The following R3HDM2 variants were observed in gnomAD, a reference collection of about 807,000 sequenced individuals.
The protein encoded by R3HDM2 is R3H domain-containing protein 2.
Under a neutral mutation model 124.5 loss-of-function variants are expected in R3HDM2, and 38 were observed. The observed-to-expected ratio is 0.31, with a 90% CI of 0.24 to 0.40. The LOEUF (loss-of-function observed/expected upper bound fraction) is 0.40. Among genes scored for constraint, R3HDM2 ranks in the 10% least tolerant of loss-of-function variants. The pLI, the probability that R3HDM2 is intolerant of heterozygous loss-of-function variation, is 1.00. For synonymous variants in R3HDM2, 391 were observed against 448.0 expected (o/e 0.87, Z 1.61); for missense variants, 869 against 1,236.9 (o/e 0.70, Z 4.46).
intron 2 of R3HDM2, among the ~76,000 whole-genome samples, chr12:57,371,083 C>CTTTTTTTTTTTTTTTTTT (rs775839017): frequency 7.3e-5 from 3 of 40,898 alleles, no homozygotes; most frequent in South Asian, 1.7e-3. Flanking sequence ...TATACCATTA[C>CTTTTTTTTTTTTTTTTTT]TTTTTTTTTT....
chr12:57,365,914 C>T lies in R3HDM2; in HGVS notation c.-36+29835G>A, dbSNP rs1486047612. ...CTGCAACACTGCACTCCAGACTGGG[C>T]GACAGAGCAAGACTCCATCTCAAAA... On this transcript the variant is annotated intron_variant, in intron 2 of 23. Transcript: ENST00000402412. 4.2e-5 allele frequency among the ~76,000 whole-genome samples: 6 copies of T among 144,254 alleles called. 1 individual carries two copies. The highest frequency in any genetic ancestry group is 4.6e-4 in the South Asian group (2 of 4,360). 94.6% of individuals were successfully genotyped at this position (144,254 alleles called of 152,430 possible).
At chr12:57,391,008 G>A (rs1486851311) in intron 2 of R3HDM2, among the ~76,000 whole-genome samples, 10 of 145,898 alleles carry the variant, frequency 6.9e-5, no homozygotes, top group Admixed American at 1.4e-4. Context: ...ACAAAACTCC[G>A]TCTCAAATAA....
intron 14 of R3HDM2, among the ~76,000 whole-genome samples, 157 bp from the exon 15 acceptor site, chr12:57,270,151 G>A (rs1015481232): frequency 4.6e-5 from 7 of 152,194 alleles, no homozygotes; most frequent in Admixed American, 3.3e-4. Flanking sequence ...TTGAATAGCT[G>A]TTGAAGTCCA....
At chr12:57,412,499 A>G (rs1199338534) in intron 1 of R3HDM2, among the ~76,000 whole-genome samples, 4 of 152,098 alleles carry the variant, frequency 2.6e-5, no homozygotes, top group African/African-American at 9.7e-5. Flanking sequence ...CCAAGATCAC[A>G]CTACTGCACT....
At chr12:57,332,258 T>A (rs2058291550) in intron 2 of R3HDM2, among the ~76,000 whole-genome samples, 2 of 149,132 alleles carry the variant, frequency 1.3e-5, no homozygotes, top group South Asian at 2.1e-4. Context: ...AAAATAAAAA[T>A]AAAAAAATAA....
chr12:57,310,031 G>C (rs1271396401), intron 3 of R3HDM2, among the ~76,000 whole-genome samples: 6 of 152,258 alleles, frequency 3.9e-5, no homozygotes, highest in Middle Eastern at 3.4e-3. Flanking sequence ...GGGCAACATA[G>C]ACCCTGTCTC....
chr12:57,397,620 C>T (rs1438935191), intron 1 of R3HDM2, among the ~76,000 whole-genome samples: 1 of 152,228 alleles, frequency 6.6e-6, no homozygotes, highest in African/African-American at 2.4e-5. Context: ...CCCCTTTTCA[C>T]CACTAGTGCT....
rs574669406 is a variant in R3HDM2, at chr12:57,398,821, C to T, written c.-105-3003G>A. On this transcript the variant is annotated intron_variant, in intron 1 of 23. Transcript: ENST00000402412. ...CCTTTCTCAGAAGGTAAAATTTACACTTGGAAAATAAGATGGCAGTCATAT... is the reference window on the plus strand; with the variant it reads ...CCTTTCTCAGAAGGTAAAATTTACATTTGGAAAATAAGATGGCAGTCATAT... Among the ~76,000 whole-genome samples, 226 of 152,258 alleles carry T rather than the reference C, an allele frequency of 1.5e-3. 6 individuals are homozygous for T. In the South Asian group the frequency reaches 0.046, roughly 31 times the overall value.
intron 1 of R3HDM2, chr12:57,418,358 TG>T: frequency 2.0e-6 from 2 of 985,388 alleles, no homozygotes; most frequent in Non-Finnish European, 2.4e-6. Flanking sequence ...AGCTTTCTTT[TG>T]CCTTCAGCAG....
At chr12:57,285,690 T>C (rs2047181352) in intron 12 of R3HDM2, among the ~76,000 whole-genome samples, 3 of 152,142 alleles carry the variant, frequency 2.0e-5, no homozygotes. Flanking sequence ...TCAATAAAAA[T>C]GAGTGTGTTT....
chr12:57,297,846 T>C, intron 7 of R3HDM2: 1 of 531,358 alleles, frequency 1.9e-6, no homozygotes, highest in Non-Finnish European at 3.4e-6. Context: ...CAAGACTTCA[T>C]ATTTCTTTGT....
chr12:57,333,366 G>C (rs1593429181), intron 2 of R3HDM2, among the ~76,000 whole-genome samples: 1 of 152,076 alleles, frequency 6.6e-6, no homozygotes, highest in Admixed American at 6.6e-5. Flanking sequence ...AATAATTTCC[G>C]ATGCAGATTT....
chr12:57,411,839 T>C (rs1049125127), intron 1 of R3HDM2, among the ~76,000 whole-genome samples: 2 of 152,192 alleles, frequency 1.3e-5, no homozygotes, highest in Non-Finnish European at 2.9e-5. Context: ...CACCCTGAAT[T>C]GTAATACCTG....
intron 10 of R3HDM2, among the ~76,000 whole-genome samples, chr12:57,295,140 G>A (rs927347500): frequency 2.6e-5 from 4 of 152,130 alleles, no homozygotes; most frequent in African/African-American, 9.7e-5. Flanking sequence ...AGAAGTCAGT[G>A]GCAGACCCAA....
intron 10 of R3HDM2, among the ~76,000 whole-genome samples, chr12:57,293,497 G>A (rs889626118): frequency 2.0e-5 from 3 of 151,844 alleles, no homozygotes; most frequent in African/African-American, 4.8e-5. Flanking sequence ...GTAACCAGAC[G>A]GGATGGCTGG....
At chr12:57,297,528 A>C in intron 7 of R3HDM2, 141 bp from the exon 8 acceptor site, 1 of 542,838 alleles carries the variant, frequency 1.8e-6, no homozygotes, top group Non-Finnish European at 3.2e-6. Context: ...ATGAACCATA[A>C]TGCTGCTAAG....
intron 2 of R3HDM2, among the ~76,000 whole-genome samples, chr12:57,361,048 C>CA (rs35437591): frequency 0.54 from 32,113 of 59,488 alleles, 9,540 homozygotes; most frequent in Middle Eastern, 0.67. Flanking sequence ...AGACACGTCT[C>CA]AAAAAAAAAA....
At chr12:57,268,862 G>C (rs1014039836) in intron 17 of R3HDM2, 60 bp downstream of exon 17, 2 of 1,562,008 alleles carry the variant, frequency 1.3e-6, no homozygotes, top group African/African-American at 2.7e-5. Flanking sequence ...ACCCTGGGAG[G>C]CTCTCCTTTT....
intron 2 of R3HDM2, among the ~76,000 whole-genome samples, chr12:57,330,351 T>TC (rs1471116699): frequency 4.7e-5 from 7 of 149,578 alleles, no homozygotes; most frequent in East Asian, 1.9e-4. Flanking sequence ...CATTTATTCT[T>TC]TTTTTTTTTG....
Sources: allele counts gnomAD v4.1 joint callset (sites outside exome capture counted in the v4.1 genomes callset), GRCh38; gene constraint gnomAD v4.1.1; transcripts MANE v1.5; gene names NCBI Gene and HGNC (gene_info 2026-07-23, HGNC 2026-07-21).